Variants in ARPP21 observed in about 807,000 individuals in gnomAD.
The protein encoded by ARPP21 is cAMP regulated phosphoprotein 21.
A neutral mutation model predicts 113.2 loss-of-function variants in ARPP21; 69 were observed. The ratio of observed to expected loss-of-function variants is 0.61; its 90% CI spans 0.50 to 0.74. ARPP21 has a LOEUF of 0.74. Ranked by LOEUF, ARPP21 falls within the 30% of genes least tolerant of loss-of-function variation. ARPP21 has a pLI of 0.00. For synonymous variants in ARPP21, 368 were observed against 375.5 expected (o/e 0.98, Z 0.23); for missense variants, 1,070 against 1,037.4 (o/e 1.03, Z -0.43).
chr3:35,712,857 T>G (rs2091586835), intron 11 of ARPP21, among the ~76,000 whole-genome samples: 2 of 152,230 alleles, frequency 1.3e-5, no homozygotes, highest in Non-Finnish European at 2.9e-5. Context: ...ATTTTATGGT[T>G]AATTCTATGC....
At chr3:35,789,956 G>A (rs1044158927) in intron 19 of ARPP21, among the ~76,000 whole-genome samples, 2 of 152,240 alleles carry the variant, frequency 1.3e-5, no homozygotes, top group Middle Eastern at 3.4e-3. Flanking sequence ...AAATGCCTCT[G>A]TGAAAGGATG....
intron 19 of ARPP21, among the ~76,000 whole-genome samples, chr3:35,761,396 C>G (rs937150619): frequency 3.9e-5 from 6 of 151,976 alleles, no homozygotes; most frequent in Non-Finnish European, 8.8e-5. Context: ...TTCATAAGAC[C>G]TCTGTGTCTT....
chr3:35,663,314 T>G (rs1369597130), intron 1 of ARPP21, among the ~76,000 whole-genome samples: 1 of 152,138 alleles, frequency 6.6e-6, no homozygotes, highest in Non-Finnish European at 1.5e-5. Context: ...ACCCCTAACA[T>G]TCTCCTTGGA....
At chr3:35,654,478 G>A (rs1703895110) in intron 1 of ARPP21, among the ~76,000 whole-genome samples, 1 of 152,052 alleles carries the variant, frequency 6.6e-6, no homozygotes, top group Non-Finnish European at 1.5e-5. Flanking sequence ...CCGATATTGA[G>A]CATGAAATTA....
chr3:35,697,737 T>C (rs2084616107), intron 9 of ARPP21, among the ~76,000 whole-genome samples: 1 of 151,598 alleles, frequency 6.6e-6, no homozygotes, highest in African/African-American at 2.4e-5. Flanking sequence ...AAAATGGGAA[T>C]CCTCGGTGTT....
chr3:35,681,506 T>G (rs1284650485), intron 2 of ARPP21: 2 of 421,912 alleles, frequency 4.7e-6, no homozygotes, highest in African/African-American at 3.9e-5. Flanking sequence ...TATTCACAAG[T>G]GTGTGTAAAG....
chr3:35,673,878 A>T (rs916434873), intron 1 of ARPP21, among the ~76,000 whole-genome samples: 2 of 151,982 alleles, frequency 1.3e-5, no homozygotes, highest in East Asian at 1.9e-4. Flanking sequence ...AGATATAATG[A>T]TTACTATTAA....
chr3:35,745,294 G>C (rs2094955446), intron 19 of ARPP21, among the ~76,000 whole-genome samples: 1 of 152,146 alleles, frequency 6.6e-6, no homozygotes. Context: ...TTAGATACAT[G>C]CTGTAGAAAT....
At chr3:35,670,350 T>C (rs2076017392) in intron 1 of ARPP21, among the ~76,000 whole-genome samples, 1 of 151,776 alleles carries the variant, frequency 6.6e-6, no homozygotes, top group Non-Finnish European at 1.5e-5. Flanking sequence ...CTCTCACTTC[T>C]CCTTCAAACA....
intron 9 of ARPP21, among the ~76,000 whole-genome samples, chr3:35,703,192 T>C (rs758764230): frequency 6.6e-6 from 1 of 151,878 alleles, no homozygotes; most frequent in South Asian, 2.1e-4. Context: ...AGAACCTGAC[T>C]GTAAGGTAAA....
At chr3:35,671,554 CAG>C (rs2076350412) in intron 1 of ARPP21, among the ~76,000 whole-genome samples, 1 of 151,838 alleles carries the variant, frequency 6.6e-6, no homozygotes, top group African/African-American at 2.4e-5. Context: ...AGAAACAAAA[CAG>C]GGAGAAAAAA....
chr3:35,717,018 A>T (rs140734381), intron 12 of ARPP21, among the ~76,000 whole-genome samples: 84 of 152,114 alleles, frequency 5.5e-4, no homozygotes, highest in African/African-American at 2.0e-3. Context: ...TATTTAATTA[A>T]ATCTCTATTA....
chr3:35,778,542 G>A (rs917320861), intron 19 of ARPP21, among the ~76,000 whole-genome samples: 14 of 152,138 alleles, frequency 9.2e-5, no homozygotes. Context: ...CAGACAAGGG[G>A]AGAAAACAGT....
At position 35,730,339 on chromosome 3, in the gene ARPP21, T is replaced by C. The variant is rs200211653; in HGVS notation, c.1459+803T>C. On this transcript the variant is annotated intron_variant, in intron 15 of 20. Transcript: ENST00000684406. Reference sequence around the variant, plus strand: ...TCTCAACCCGGGGCATTTTTGTCTCTGGCCCCAAGGCCATTCCGCAATATC... The same window carrying C: ...TCTCAACCCGGGGCATTTTTGTCTCCGGCCCCAAGGCCATTCCGCAATATC... Among the ~76,000 whole-genome samples, 30 of 152,352 alleles carry C rather than the reference T, an allele frequency of 2.0e-4. No individual in the cohort carries two copies. In the East Asian group the frequency reaches 5.2e-3, roughly 26 times the overall value.
chr3:35,777,856 T>C (rs1180834098), intron 19 of ARPP21, among the ~76,000 whole-genome samples: 11 of 152,188 alleles, frequency 7.2e-5, no homozygotes, highest in Non-Finnish European at 7.3e-5. Context: ...ATTTAAACAG[T>C]AACATTGCTT....
At chr3:35,686,889 A>G (rs1270633796) in intron 5 of ARPP21, among the ~76,000 whole-genome samples, 1 of 151,584 alleles carries the variant, frequency 6.6e-6, no homozygotes, top group East Asian at 1.9e-4. Context: ...GTGAGTTAAT[A>G]CAAAATAATC....
chr3:35,706,910 C>CT, intron 9 of ARPP21, 64 bp from the exon 10 acceptor site: 3 of 1,278,656 alleles, frequency 2.3e-6, no homozygotes, highest in South Asian at 2.8e-5. Context: ...AAGAACAACA[C>CT]TAAAAAATAA....
chr3:35,792,409 A>G lies in ARPP21; in HGVS notation c.2165A>G (p.Gln722Arg). 1.2e-6 allele frequency: 2 copies of G among 1,614,048 alleles called. No individual in the cohort carries two copies. Among genetic ancestry groups the G allele is most frequent in the Non-Finnish European group, 1.7e-6 (2 of 1,179,894 alleles). The change falls in exon 20 of 21, where the codon CAG (glutamine) becomes CGG (arginine). Residue 722 changes from glutamine (Q) to arginine (R), a missense_variant. Gln to Arg is a conservative substitution (Grantham distance 43). Coordinates refer to ENST00000684406, the MANE Select transcript of ARPP21 (RefSeq NM_001385562.1). ...AGYQPVLSGQ[Q>R]GFQGLIGVQQ... is the part of the protein sequence containing the mutation. ...TACCAGCCAGTCTTGTCTGGTCAAC[A>G]GGGATTCCAAGGCCTAATAGGAGTG... is the stretch of plus-strand genomic sequence containing the variant.
At chr3:35,704,731 A>G (rs1200814053) in intron 9 of ARPP21, among the ~76,000 whole-genome samples, 1 of 152,034 alleles carries the variant, frequency 6.6e-6, no homozygotes, top group Non-Finnish European at 1.5e-5. Context: ...GTGATTTATG[A>G]ATAGCCGCGC....
Sources: allele counts gnomAD v4.1 joint callset (sites outside exome capture counted in the v4.1 genomes callset), GRCh38; gene constraint gnomAD v4.1.1; transcripts MANE v1.5; gene names NCBI Gene and HGNC (gene_info 2026-07-23, HGNC 2026-07-21).